TFDP2: variants seen among roughly 807,000 people sequenced by gnomAD.
TFDP2 encodes transcription factor Dp-2.
TFDP2 carries 17 observed loss-of-function variants against 59.3 expected under a neutral mutation model. The observed-to-expected ratio is 0.29, with a 90% confidence interval of 0.20 to 0.43. The LOEUF (loss-of-function observed/expected upper bound fraction) is 0.43. TFDP2 is among the 20% of genes least tolerant of loss of function. The pLI, the probability that TFDP2 is intolerant of heterozygous loss-of-function variation, is 1.00. For missense variants in TFDP2, 391 were observed against 528.8 expected (o/e 0.74, Z 2.56); for synonymous variants, 180 against 194.7 (o/e 0.92, Z 0.63).
intron 3 of TFDP2, among the ~76,000 whole-genome samples, chr3:142,026,788 C>T (rs994287056): frequency 1.3e-5 from 2 of 152,178 alleles, no homozygotes; most frequent in African/African-American, 2.4e-5. Flanking sequence ...TTTCATTACA[C>T]GCATAATGCT....
intron 1 of TFDP2, among the ~76,000 whole-genome samples, chr3:142,146,596 A>G (rs2063186649): frequency 6.6e-6 from 1 of 152,204 alleles, no homozygotes; most frequent in African/African-American, 2.4e-5. Flanking sequence ...GTAACAGTGT[A>G]ATGTGGTTGC....
At chr3:142,084,937 T>C (rs1168216999) in intron 3 of TFDP2, among the ~76,000 whole-genome samples, 1 of 152,110 alleles carries the variant, frequency 6.6e-6, no homozygotes, top group Non-Finnish European at 1.5e-5. Flanking sequence ...TTTATTTTTT[T>C]TGAGACAGAG....
chr3:141,985,823 G>T lies in TFDP2; in HGVS notation c.357-7141C>A, dbSNP rs879303359. Among the ~76,000 whole-genome samples, 17 of 152,150 alleles carry T rather than the reference G, an allele frequency of 1.1e-4. 1 individual carries two copies. Among genetic ancestry groups the T allele is most frequent in the Admixed American group, 1.3e-4 (2 of 15,266 alleles). The stretch of plus-strand genomic sequence containing the variant: ...CAAAAGACACCATTAAGAATGAAAG[G>T]TCAATTCACAGATTGGAGAAAAACT... On this transcript the variant is annotated intron_variant, in intron 6 of 12. Transcript: ENST00000489671.
intron 3 of TFDP2, among the ~76,000 whole-genome samples, chr3:142,081,507 T>C (rs1166868460): frequency 6.6e-6 from 1 of 151,698 alleles, no homozygotes; most frequent in Non-Finnish European, 1.5e-5. Flanking sequence ...TAAAACAAAT[T>C]GAAACACAGG....
intron 11 of TFDP2, among the ~76,000 whole-genome samples, chr3:141,954,020 C>T (rs1936248134): frequency 6.6e-6 from 1 of 151,886 alleles, no homozygotes; most frequent in South Asian, 2.1e-4. Flanking sequence ...ATTAGCTGGG[C>T]GTTGTGGTGC....
intron 3 of TFDP2, among the ~76,000 whole-genome samples, chr3:142,087,230 G>A (rs1490416465): frequency 3.3e-5 from 5 of 152,198 alleles, no homozygotes; most frequent in Admixed American, 3.3e-4. Context: ...TAAGTTCTGA[G>A]AAATGCTTTG....
intron 8 of TFDP2, among the ~76,000 whole-genome samples, chr3:141,971,828 A>G (rs534891608): frequency 1.5e-3 from 232 of 152,310 alleles, no homozygotes; most frequent in African/African-American, 5.5e-3. Flanking sequence ...TTCTGCCTCT[A>G]TCCGCCTTTG....
chr3:142,129,505 A>C (rs902947437), intron 1 of TFDP2, among the ~76,000 whole-genome samples: 2 of 152,156 alleles, frequency 1.3e-5, no homozygotes, highest in Non-Finnish European at 2.9e-5. Context: ...GTATTAACAG[A>C]GTAAAAATGC....
chr3:142,040,032 T>C (rs1364078341), intron 3 of TFDP2, among the ~76,000 whole-genome samples: 4 of 152,088 alleles, frequency 2.6e-5, no homozygotes, highest in African/African-American at 9.7e-5. Flanking sequence ...AGACACAAAA[T>C]ACCATCTACC....
chr3:141,952,940 C>T lies in TFDP2; in HGVS notation c.1128G>A (p.Leu376=). The T allele has an allele frequency of 6.2e-7, 1 of 1,614,010 alleles. No homozygotes were observed. Among genetic ancestry groups the T allele is most frequent in the Non-Finnish European group, 8.5e-7 (1 of 1,179,994 alleles). ...ACTGGGGTAAGGTGGCACCAGTGGT[C>T]AGGTCTAAATTTGAAACTGATTGGG... ...NSTQSVSNLD[L]TTGATLPQSS... The change falls in exon 12 of 13, where the codon CTG becomes CTA. Residue 376 remains leucine (L), a synonymous_variant. Transcript: ENST00000489671.
At chr3:141,962,432 C>T (rs557640719) in intron 10 of TFDP2, among the ~76,000 whole-genome samples, 50 of 152,120 alleles carry the variant, frequency 3.3e-4, no homozygotes, top group Admixed American at 1.1e-3. Flanking sequence ...AATCTCGGTT[C>T]ACTGCAACCC....
At chr3:142,091,851 A>C (rs1026960043) in intron 3 of TFDP2, among the ~76,000 whole-genome samples, 30 of 152,164 alleles carry the variant, frequency 2.0e-4, no homozygotes, top group Non-Finnish European at 3.8e-4. Context: ...TCTAATGCTC[A>C]CTTGCTGGCC....
At chr3:142,106,312 A>G (rs1459588809) in intron 1 of TFDP2, among the ~76,000 whole-genome samples, 1 of 152,228 alleles carries the variant, frequency 6.6e-6, no homozygotes, top group African/African-American at 2.4e-5. Flanking sequence ...ATTAAGATAG[A>G]CATTGTAAAA....
chr3:141,977,113 T>A (rs1201743132), intron 7 of TFDP2, among the ~76,000 whole-genome samples: 2,033 of 105,926 alleles, frequency 0.019, 37 homozygotes, highest in African/African-American at 0.047. Flanking sequence ...TATATTTTTT[T>A]TTTTTTTTTT....
At chr3:141,959,175 C>T (rs1426329980) in intron 11 of TFDP2, among the ~76,000 whole-genome samples, 3 of 151,956 alleles carry the variant, frequency 2.0e-5, no homozygotes, top group East Asian at 3.9e-4. Context: ...AGGCTGGTCT[C>T]GAACTCCCGA....
intron 3 of TFDP2, among the ~76,000 whole-genome samples, chr3:142,045,992 T>C (rs1461056308): frequency 6.6e-6 from 1 of 152,178 alleles, no homozygotes; most frequent in African/African-American, 2.4e-5. Flanking sequence ...GGCTCTCACC[T>C]ATTTGGAGGA....
intron 11 of TFDP2, among the ~76,000 whole-genome samples, chr3:141,954,642 AC>A (rs1559910878): frequency 6.6e-6 from 1 of 151,488 alleles, no homozygotes; most frequent in African/African-American, 2.4e-5. Context: ...ACAAAAAAAA[AC>A]AAAAAAACAA....
chr3:142,074,773 AC>A (rs1374276453), intron 3 of TFDP2, among the ~76,000 whole-genome samples: 1 of 152,064 alleles, frequency 6.6e-6, no homozygotes, highest in Admixed American at 6.5e-5. Context: ...AATCACTTGA[AC>A]CCGGGAGGCA....
At chr3:142,143,007 G>T (rs1292835941) in intron 1 of TFDP2, among the ~76,000 whole-genome samples, 1 of 152,168 alleles carries the variant, frequency 6.6e-6, no homozygotes, top group Admixed American at 6.5e-5. Flanking sequence ...AGGCCAAGGC[G>T]AGCAGATCAC....
Sources: allele counts gnomAD v4.1 joint callset (sites outside exome capture counted in the v4.1 genomes callset), GRCh38; gene constraint gnomAD v4.1.1; transcripts MANE v1.5; gene names NCBI Gene and HGNC (gene_info 2026-07-23, HGNC 2026-07-21).